The following CA1 variants were observed in gnomAD, a reference collection of about 807,000 sequenced individuals.
CA1 encodes carbonic anhydrase 1.
In CA1, 27 loss-of-function variants were observed where a neutral mutation model predicts 28.8. That is an observed-to-expected ratio of 0.94 (90% CI 0.69 to 1.29). The LOEUF is 1.29. Among genes scored for constraint, CA1 ranks in the 50% most tolerant of loss-of-function variants. The pLI, the probability that CA1 is intolerant of heterozygous loss-of-function variation, is 0.00. For missense variants in CA1, 335 were observed against 310.5 expected (o/e 1.08, Z -0.59); for synonymous variants, 121 against 108.8 (o/e 1.11, Z -0.70).
At chr8:85,356,589 A>G (rs1404675380) in intron 1 of CA1, among the ~76,000 whole-genome samples, 1 of 152,170 alleles carries the variant, frequency 6.6e-6, no homozygotes, top group African/African-American at 2.4e-5. Flanking sequence ...CTAAGCCATT[A>G]TTTTAGGAAA....
chr8:85,370,571 A>G (rs1445266237), intron 1 of CA1, among the ~76,000 whole-genome samples: 1 of 152,190 alleles, frequency 6.6e-6, no homozygotes, highest in Non-Finnish European at 1.5e-5. Flanking sequence ...TTCTGTAAAT[A>G]TGGAACTCAG....
intron 1 of CA1, among the ~76,000 whole-genome samples, chr8:85,356,404 A>G (rs899558944): frequency 6.6e-6 from 1 of 152,142 alleles, no homozygotes; most frequent in Admixed American, 6.5e-5. Flanking sequence ...TATAATGATA[A>G]TAATTATTAT....
chr8:85,329,953 T>C (rs1808335029), intron 6 of CA1, 109 bp from the exon 7 acceptor site: 4 of 948,272 alleles, frequency 4.2e-6, no homozygotes, highest in Non-Finnish European at 6.5e-6. Context: ...AGATTTTAGC[T>C]AAGAGTCATT....
At chr8:85,342,850 C>A (rs1032551) in intron 1 of CA1, 1 of 151,842 alleles carries the variant, frequency 6.6e-6, no homozygotes, top group Non-Finnish European at 1.5e-5. Flanking sequence ...GGATCAGGAG[C>A]AATTTTCACT....
chr8:85,337,683 G>T (rs566955286), intron 3 of CA1, among the ~76,000 whole-genome samples: 1 of 152,046 alleles, frequency 6.6e-6, no homozygotes, highest in Non-Finnish European at 1.5e-5. Context: ...TAGTCCCAAG[G>T]TGCCTAAAAT....
chr8:85,330,444 T>C (rs531530330), intron 6 of CA1, among the ~76,000 whole-genome samples: 3 of 152,226 alleles, frequency 2.0e-5, no homozygotes, highest in African/African-American at 7.2e-5. Flanking sequence ...ATATCTATCA[T>C]AATATGTACT....
intron 1 of CA1, among the ~76,000 whole-genome samples, chr8:85,356,763 A>T (rs1483161042): frequency 6.6e-6 from 1 of 152,226 alleles, no homozygotes; most frequent in East Asian, 1.9e-4. Context: ...CTGAAATCAG[A>T]AATAAAGCTG....
intron 1 of CA1, among the ~76,000 whole-genome samples, chr8:85,368,931 G>T (rs532525690): frequency 6.6e-6 from 1 of 151,992 alleles, no homozygotes; most frequent in Non-Finnish European, 1.5e-5. Flanking sequence ...ATAGAGCTTC[G>T]AGGGAAGGAT....
chr8:85,366,682 A>G (rs1176487471), intron 1 of CA1, among the ~76,000 whole-genome samples: 4 of 152,210 alleles, frequency 2.6e-5, no homozygotes, highest in African/African-American at 9.6e-5. Context: ...AACTGAATCA[A>G]TGTTTATAAG....
chr8:85,333,707 A>G, intron 4 of CA1, 87 bp from the exon 5 acceptor site: 1 of 851,670 alleles, frequency 1.2e-6, no homozygotes, highest in Middle Eastern at 2.2e-4. Flanking sequence ...CCATATGATG[A>G]TGTATCTTGG....
intron 1 of CA1, among the ~76,000 whole-genome samples, chr8:85,345,445 G>C (rs954249528): frequency 7.2e-5 from 11 of 152,014 alleles, no homozygotes; most frequent in African/African-American, 2.7e-4. Flanking sequence ...TAATTTACTT[G>C]CTTAATGTCT....
chr8:85,361,988 G>A (rs906742728), intron 1 of CA1, among the ~76,000 whole-genome samples: 3 of 152,226 alleles, frequency 2.0e-5, no homozygotes, highest in South Asian at 4.1e-4. Context: ...CAAAAGTTTA[G>A]CCTCTTACAA....
chr8:85,351,408 G>A lies in CA1; in HGVS notation c.-24-9749C>T, dbSNP rs1280813957. Among the ~76,000 whole-genome samples the A allele has an allele frequency of 3.3e-5, 5 of 152,364 alleles. No individual in the cohort carries two copies. In the East Asian group the frequency reaches 7.7e-4, roughly 23 times the overall value. On this transcript the variant is annotated intron_variant, in intron 1 of 7. Transcript: ENST00000523022. ...AAAAAGGAATCATCTTTTAGCGGCA[G>A]CTAGGTATAATGAAGTTTGCAGAAA...
intron 1 of CA1, among the ~76,000 whole-genome samples, chr8:85,347,594 C>T (rs1217716848): frequency 1.3e-5 from 2 of 152,196 alleles, no homozygotes; most frequent in African/African-American, 2.4e-5. Flanking sequence ...TCCAAACAGA[C>T]ATCAATGACA....
At chr8:85,338,660 C>CTT (rs1346598642) in intron 2 of CA1, among the ~76,000 whole-genome samples, 1 of 33,972 alleles carries the variant, frequency 2.9e-5, no homozygotes, top group Non-Finnish European at 6.5e-5. Context: ...TTCTTTCTTT[C>CTT]TTTCTTTCTT....
intron 1 of CA1, among the ~76,000 whole-genome samples, chr8:85,361,600 C>T (rs535238454): frequency 7.9e-5 from 12 of 152,190 alleles, no homozygotes; most frequent in African/African-American, 2.9e-4. Context: ...TCACTTGAAC[C>T]CAGGGGGTGG....
intron 6 of CA1, among the ~76,000 whole-genome samples, chr8:85,332,201 GT>G (rs1421679753): frequency 6.6e-6 from 1 of 152,076 alleles, no homozygotes; most frequent in African/African-American, 2.4e-5. Flanking sequence ...TCACAATTTT[GT>G]TAGATATAGT....
At position 85,338,254 on chromosome 8, in the gene CA1, G is replaced by C; in HGVS notation, c.233C>G (p.Ser78Ter). The part of the protein sequence containing the change: ...HVNFEDNDNR[S>*]VLKGGPFSDS... ...ATCAGAAGGGTCTTTCAGCTCACCTGATCGGTTATCGTTGTCCTCAAAATT... is the reference window on the plus strand; with the variant it reads ...ATCAGAAGGGTCTTTCAGCTCACCTCATCGGTTATCGTTGTCCTCAAAATT... Residue 78 changes from serine to a stop codon, truncating the protein, a stop_gained and splice_region_variant, in exon 3 of 8, where the codon TCA becomes TGA. Transcript: ENST00000523022. LOFTEE classifies it high-confidence loss of function. The C allele has an allele frequency of 1.9e-6, 3 of 1,612,328 alleles. No homozygotes were observed. Among genetic ancestry groups the C allele is most frequent in the East Asian group, 2.2e-5 (1 of 44,858 alleles).
rs749782178 is a variant in CA1 at position 85,332,561 on chromosome 8, T to G, written c.451-9A>C. 1.2e-6 allele frequency: 2 copies of G among 1,606,178 alleles called. No homozygotes were observed. Among genetic ancestry groups the G allele is most frequent in the Admixed American group, 1.7e-5 (1 of 59,948 alleles). ...GGGTTGGCCTCACCAACCTGGAGAT[T>G]TAAGAAAATAAAGTATGAGATAAAG... On this transcript the variant is annotated splice_polypyrimidine_tract_variant and intron_variant, in intron 5 of 7. Transcript: ENST00000523022.
Sources: allele counts gnomAD v4.1 joint callset (sites outside exome capture counted in the v4.1 genomes callset), GRCh38; gene constraint gnomAD v4.1.1; transcripts MANE v1.5; gene names NCBI Gene and HGNC (gene_info 2026-07-23, HGNC 2026-07-21).